Variants in OPCML observed in about 807,000 individuals in gnomAD.
OPCML encodes the protein opioid-binding protein/cell adhesion molecule.
In OPCML, 13 loss-of-function variants were observed where a neutral mutation model predicts 37.8. That is an observed-to-expected ratio of 0.34 (90% CI 0.22 to 0.55). OPCML has a LOEUF of 0.55. OPCML is among the 20% of genes least tolerant of loss of function. The pLI is 0.91. For synonymous variants in OPCML, 176 were observed against 168.8 expected (o/e 1.04, Z -0.33); for missense variants, 341 against 435.6 (o/e 0.78, Z 1.93).
At chr11:132,716,873 AGAG>A (rs1944513963) in intron 2 of OPCML, among the ~76,000 whole-genome samples, 1 of 152,172 alleles carries the variant, frequency 6.6e-6, no homozygotes, top group Non-Finnish European at 1.5e-5. Context: ...AGAGAGAAGA[AGAG>A]TTCTTTCTTA....
intron 1 of OPCML, among the ~76,000 whole-genome samples, chr11:133,033,847 G>C (rs1302948600): frequency 6.6e-6 from 1 of 152,158 alleles, no homozygotes; most frequent in Non-Finnish European, 1.5e-5. Flanking sequence ...TCAACTCACA[G>C]CAATACTGAG....
At position 133,212,266 on chromosome 11, in the gene OPCML, A is replaced by C. The variant is rs1939394537; in HGVS notation, c.62-269256T>G. On this transcript the variant is annotated intron_variant, in intron 1 of 7. Coordinates refer to ENST00000524381, the MANE Select transcript of OPCML (RefSeq NM_001012393.5). The surrounding 1 kb of genome is among the most constrained non-coding windows in gnomAD (Gnocchi z 4.9). Reference sequence around the variant, plus strand: ...GATAGGTGCACAAAGTCCTCCTAATAGTCCGTGACAGCCTACACAGCTGGG... The same window carrying C: ...GATAGGTGCACAAAGTCCTCCTAATCGTCCGTGACAGCCTACACAGCTGGG... Among the ~76,000 whole-genome samples, 1 of 152,206 alleles carries C rather than the reference A, an allele frequency of 6.6e-6. No individual in the cohort carries two copies. Among genetic ancestry groups the C allele is most frequent in the Non-Finnish European group, 1.5e-5 (1 of 68,034 alleles).
intron 6 of OPCML, 132 bp downstream of exon 6, chr11:132,436,527 G>A: frequency 1.4e-6 from 2 of 1,455,124 alleles, no homozygotes; most frequent in South Asian, 1.5e-5. Context: ...AATAGACTTT[G>A]TTACAAAAGA....
intron 3 of OPCML, among the ~76,000 whole-genome samples, chr11:132,636,441 G>A (rs1940504522): frequency 6.6e-6 from 1 of 152,078 alleles, no homozygotes; most frequent in South Asian, 2.1e-4. Context: ...CAAAACACAG[G>A]GCCTAGAATA....
intron 2 of OPCML, among the ~76,000 whole-genome samples, chr11:132,862,897 C>T (rs2136364876): frequency 6.6e-6 from 1 of 152,328 alleles, no homozygotes; most frequent in South Asian, 2.1e-4. Flanking sequence ...AAGATTATAA[C>T]TCAAAAAGCT....
chr11:133,064,438 ATC>A (rs1170089608), intron 1 of OPCML, among the ~76,000 whole-genome samples: 1 of 152,178 alleles, frequency 6.6e-6, no homozygotes, highest in African/African-American at 2.4e-5. Context: ...GCAACAGTTG[ATC>A]TGTGGCAGCG....
intron 1 of OPCML, among the ~76,000 whole-genome samples, chr11:133,178,934 G>T (rs942849820): frequency 6.6e-6 from 1 of 151,966 alleles, no homozygotes; most frequent in Non-Finnish European, 1.5e-5. Context: ...GTTTTCACTC[G>T]CTGCCTCTAA....
chr11:132,600,523 C>T (rs931188414), intron 3 of OPCML, among the ~76,000 whole-genome samples: 1 of 152,146 alleles, frequency 6.6e-6, no homozygotes, highest in Non-Finnish European at 1.5e-5. Context: ...ACAAATTTGT[C>T]TTCCAAATTA....
intron 1 of OPCML, among the ~76,000 whole-genome samples, chr11:132,997,906 C>A (rs567361111): frequency 6.6e-6 from 1 of 152,282 alleles, no homozygotes; most frequent in South Asian, 2.1e-4. Flanking sequence ...CAGGTCTTCC[C>A]TTCAGGGTCC....
At chr11:133,224,611 C>T (rs545021453) in intron 1 of OPCML, among the ~76,000 whole-genome samples, 3 of 152,358 alleles carry the variant, frequency 2.0e-5, no homozygotes, top group Middle Eastern at 3.4e-3. Flanking sequence ...CAGGCAAGGG[C>T]TCACCCGGGC....
intron 1 of OPCML, among the ~76,000 whole-genome samples, chr11:133,190,273 G>A (rs1488970954): frequency 1.3e-5 from 2 of 152,192 alleles, no homozygotes; most frequent in African/African-American, 4.8e-5. Flanking sequence ...AAGGCAGTAT[G>A]TGCAAGTATA....
intron 1 of OPCML, among the ~76,000 whole-genome samples, chr11:133,418,821 T>C (rs1175090466): frequency 6.6e-6 from 1 of 152,168 alleles, no homozygotes; most frequent in Admixed American, 6.5e-5. Flanking sequence ...CTTTCCCAAT[T>C]ACTTTTATAG....
chr11:132,906,791 G>A (rs1944258203), intron 2 of OPCML, among the ~76,000 whole-genome samples: 1 of 152,206 alleles, frequency 6.6e-6, no homozygotes, highest in South Asian at 2.1e-4. Flanking sequence ...GGCTGGCAAA[G>A]GTTGCTGGCC....
At chr11:132,754,897 A>G (rs1053072129) in intron 2 of OPCML, among the ~76,000 whole-genome samples, 8 of 152,200 alleles carry the variant, frequency 5.3e-5, no homozygotes, top group African/African-American at 1.7e-4. Context: ...AGATTCATCC[A>G]CAGTGTTCTA....
intron 4 of OPCML, among the ~76,000 whole-genome samples, chr11:132,524,926 G>C (rs1277392774): frequency 2.0e-5 from 3 of 152,158 alleles, no homozygotes; most frequent in Non-Finnish European, 4.4e-5. Context: ...CTTCAAAGGG[G>C]TTCCCCAGAA....
intron 7 of OPCML, among the ~76,000 whole-genome samples, chr11:132,434,995 A>G (rs1193696642): frequency 6.6e-6 from 1 of 152,210 alleles, no homozygotes; most frequent in African/African-American, 2.4e-5. Context: ...CATATTCTAC[A>G]TGCTTATTAT....
chr11:133,509,437 A>G (rs997525613), intron 1 of OPCML, among the ~76,000 whole-genome samples: 13 of 152,206 alleles, frequency 8.5e-5, no homozygotes, highest in African/African-American at 3.1e-4. Context: ...TCCACGGGGT[A>G]TATGTATCAC....
chr11:132,501,234 A>T (rs1467967549), intron 4 of OPCML, among the ~76,000 whole-genome samples: 1 of 152,222 alleles, frequency 6.6e-6, no homozygotes, highest in Non-Finnish European at 1.5e-5. Context: ...TTAACCCAAG[A>T]TGGATCAAAG....
rs76986346 is a variant in OPCML, at chr11:133,370,565, T to C, written c.61+161699A>G. 3.2e-3 allele frequency among the ~76,000 whole-genome samples: 476 copies of C among 147,170 alleles called. 1 individual carries two copies. The highest frequency in any genetic ancestry group is 0.011 in the African/African-American group (453 of 40,190). On this transcript the variant is annotated intron_variant, in intron 1 of 7. Coordinates refer to ENST00000524381, the MANE Select transcript of OPCML (RefSeq NM_001012393.5). ...TTTCTACCAGGAAAACTGCAAAACA[T>C]TGCTGAAAAAAAAATTGAAAAGGAC...
Sources: gnomAD v4.1 joint callset for allele counts (sites outside exome capture counted in the v4.1 genomes callset) on GRCh38, gnomAD v4.1.1 for gene constraint, Gnocchi (gnomAD v3.1) non-coding constraint, MANE v1.5 for transcripts, NCBI Gene and HGNC (gene_info 2026-07-23, HGNC 2026-07-21) for gene names.